The following ENAM variants were observed in gnomAD, a reference collection of about 807,000 sequenced individuals.
ENAM encodes the protein enamelin.
A neutral mutation model predicts 33.6 loss-of-function variants in ENAM; 21 were observed. The ratio of observed to expected loss-of-function variants is 0.63; its 90% CI spans 0.44 to 0.90. The LOEUF (loss-of-function observed/expected upper bound fraction) is 0.90, where lower values mean the gene tolerates loss of function less well. Among genes scored for constraint, ENAM ranks in the 40% least tolerant of loss-of-function variants. ENAM has a pLI of 0.00. For synonymous variants in ENAM, 473 were observed against 468.4 expected, an observed-to-expected ratio of 1.01 and a Z score of -0.13; for missense variants, 1,388 against 1,366.9, an observed-to-expected ratio of 1.02 and a Z score of -0.24.
chr4:70,642,926 T>C lies in ENAM; in HGVS notation c.1500T>C (p.Asp500=), dbSNP rs763039319. Residue 500 remains aspartate (D), a synonymous_variant, in exon 9 of 9, where the codon GAT becomes GAC. Transcript: ENST00000396073. ...QHENSYYPRG[D]SRKVPNSDGQ... ...AAAACTCCTATTACCCAAGAGGAGA[T>C]TCCAGAAAAGTCCCAAATTCTGATG... The C allele has an allele frequency of 6.2e-7, 1 of 1,614,074 alleles. No homozygotes were observed. The highest frequency in any genetic ancestry group is 8.5e-7 in the Non-Finnish European group (1 of 1,180,014).
intron 4 of ENAM, 125 bp from the exon 5 acceptor site, chr4:70,632,526 C>T: frequency 1.3e-6 from 1 of 785,300 alleles, no homozygotes; most frequent in Non-Finnish European, 2.3e-6. Context: ...GCATTAAAAT[C>T]AGAAATTTTT....
rs150264795 is a variant in ENAM at position 70,646,741 on chromosome 4, C to T, written c.*1886C>T. 1.8e-4 allele frequency: 28 copies of T among 152,306 alleles called. No homozygotes were observed. The highest frequency in any genetic ancestry group is 5.8e-4 in the African/African-American group (24 of 41,566). 9.4% of individuals were successfully genotyped at this position (152,306 alleles called of 1,614,324 possible). Reference sequence around the variant, plus strand: ...TGGCCAGTTTTATATTTTAATCACACATTGAAAAATTCATTAACTTATTCT... The same window carrying T: ...TGGCCAGTTTTATATTTTAATCACATATTGAAAAATTCATTAACTTATTCT... On this transcript the variant is annotated 3_prime_UTR_variant, in exon 9 of 9. Coordinates refer to ENST00000396073, the MANE Select transcript of ENAM (RefSeq NM_031889.3).
chr4:70,632,754 A>T, intron 5 of ENAM, 62 bp downstream of exon 5: 3 of 1,147,912 alleles, frequency 2.6e-6, no homozygotes, highest in Non-Finnish European at 4.0e-6. Flanking sequence ...TCCGTTATAA[A>T]GTTTGCCTTA....
intron 7 of ENAM, among the ~76,000 whole-genome samples, chr4:70,636,464 T>A (rs1472517861): frequency 6.6e-6 from 1 of 151,916 alleles, no homozygotes; most frequent in East Asian, 1.9e-4. Context: ...TGAAATCCCG[T>A]CTCTACTAAA....
chr4:70,630,973 C>T (rs1304639505), intron 2 of ENAM, among the ~76,000 whole-genome samples: 1 of 152,090 alleles, frequency 6.6e-6, no homozygotes, highest in Non-Finnish European at 1.5e-5. Flanking sequence ...AGCTCCTGTC[C>T]TCAGGGGATC....
At position 70,634,400 on chromosome 4, in the gene ENAM, A is replaced by C. The variant is rs762013731; in HGVS notation, c.303A>C (p.Thr101=). The C allele has an allele frequency of 3.7e-6, 6 of 1,614,080 alleles. No individual in the cohort carries two copies. In the Admixed American group the frequency reaches 1.0e-4, roughly 27 times the overall value. The change falls in exon 6 of 9, where the codon ACA becomes ACC. Residue 101 remains threonine, a synonymous_variant. Coordinates refer to ENST00000396073, the MANE Select transcript of ENAM (RefSeq NM_031889.3). ...MPMWPQPPPN[T]WHPRKSSAPK... ...TGTGGCCTCAGCCACCACCCAACAC[A>C]TGGCATCCACGGAAATCCTCAGCAC... is the stretch of plus-strand genomic sequence containing the variant.
In ENAM at chr4:70,644,204, A is replaced by T; in HGVS notation, c.2778A>T (p.Thr926=). Residue 926 remains threonine, a synonymous_variant, in exon 9 of 9, where the codon ACA becomes ACT. Coordinates refer to ENST00000396073, the MANE Select transcript of ENAM (RefSeq NM_031889.3). The part of the protein sequence containing the change: ...TKQTRDIISP[T]SILPGQRNSS... ...AGACAAGAGATATCATCTCCCCAAC[A>T]AGCATCCTACCAGGCCAAAGAAACA... is the stretch of plus-strand genomic sequence containing the variant. 2 of 1,614,092 alleles carry T rather than the reference A, an allele frequency of 1.2e-6. No homozygotes were observed. The highest frequency in any genetic ancestry group is 1.7e-6 in the Non-Finnish European group (2 of 1,179,998).
At position 70,646,170 on chromosome 4, in the gene ENAM, T is replaced by G. The variant is rs1738757115; in HGVS notation, c.*1315T>G. 1 of 152,152 alleles carries G rather than the reference T, an allele frequency of 6.6e-6. No individual in the cohort carries two copies. 9.4% of individuals were successfully genotyped at this position (152,152 alleles called of 1,614,324 possible). ...TTACAGACACTCTTTCTTGGTATCTTGAATAAATTGTGTAAATTATTTTGA... is the reference window on the plus strand; with the variant it reads ...TTACAGACACTCTTTCTTGGTATCTGGAATAAATTGTGTAAATTATTTTGA... On this transcript the variant is annotated 3_prime_UTR_variant, in exon 9 of 9. Coordinates refer to ENST00000396073, the MANE Select transcript of ENAM (RefSeq NM_031889.3).
intron 8 of ENAM, among the ~76,000 whole-genome samples, chr4:70,640,579 A>G (rs1194186456): frequency 6.6e-6 from 1 of 152,108 alleles, no homozygotes; most frequent in Non-Finnish European, 1.5e-5. Context: ...TTGTATTATT[A>G]TTATATAATA....
chr4:70,642,436 C>T lies in ENAM; in HGVS notation c.1010C>T (p.Thr337Ile). 6.2e-7 allele frequency: 1 copy of T among 1,614,104 alleles called. No individual in the cohort carries two copies. The highest frequency in any genetic ancestry group is 1.1e-5 in the South Asian group (1 of 91,074). ...CCTTCAGGAAGACAGTGGTATTTCA[C>T]TGGTACTGTCATGGGGCACAGACAG... ...NFPSGRQWYF[T>I]GTVMGHRQNR... The change falls in exon 9 of 9, where the codon ACT becomes ATT. Residue 337 changes from threonine (T) to isoleucine (I), a missense_variant. By Grantham distance (89) the Thr-to-Ile change is moderately conservative. Coordinates refer to ENST00000396073, the MANE Select transcript of ENAM (RefSeq NM_031889.3).
In ENAM at chr4:70,631,997, T is replaced by C. The variant is rs996603413; in HGVS notation, c.168+104T>C. The stretch of plus-strand genomic sequence containing the variant: ...ATTGTCTCATATATAATATTTCTTA[T>C]GAAAAAGGTAAAAAGAGGGAGATTT... On this transcript the variant is annotated intron_variant, in intron 4 of 8. Coordinates refer to ENST00000396073, the MANE Select transcript of ENAM (RefSeq NM_031889.3). 5.7e-6 allele frequency: 6 copies of C among 1,057,830 alleles called. No homozygotes were observed. The African/African-American group carries it at 6.3e-5, about 11-fold the overall frequency. The allele number at this position is 1,057,830 out of a possible 1,614,324, so 65.5% of individuals were successfully genotyped here. A position where few individuals can be genotyped will look rare whatever the true frequency, so the allele number is the denominator to read the frequency against.
chr4:70,634,388 A>G lies in ENAM; in HGVS notation c.291A>G (p.Pro97=), dbSNP rs959670000. 2 of 1,614,104 alleles carry G rather than the reference A, an allele frequency of 1.2e-6. No homozygotes were observed. Among genetic ancestry groups the G allele is most frequent in the African/African-American group, 2.7e-5 (2 of 75,022 alleles). Residue 97 remains proline (P), a synonymous_variant, in exon 6 of 9, where the codon CCA becomes CCG. Transcript: ENST00000396073. ...ACCAGATGCCCATGTGGCCTCAGCC[A>G]CCACCCAACACATGGCATCCACGGA... The part of the protein sequence containing the change: ...PQYQMPMWPQ[P]PPNTWHPRKS...
At chr4:70,629,835 T>C (rs139104031) in intron 2 of ENAM, among the ~76,000 whole-genome samples, 283 of 152,312 alleles carry the variant, frequency 1.9e-3, no homozygotes, top group African/African-American at 6.5e-3. Flanking sequence ...ATATTAATTT[T>C]ACAAAAGAGA....
chr4:70,629,393 G>A (rs1435409283), intron 1 of ENAM, 48 bp from the exon 2 acceptor site: 5 of 867,274 alleles, frequency 5.8e-6, no homozygotes, highest in Non-Finnish European at 1.0e-5. Flanking sequence ...CCTTAGAACT[G>A]AAGCTTTGCT....
Position 70,645,216 on chromosome 4 carries a change from G to T in ENAM, c.*361G>T. 1.2e-5 allele frequency: 4 copies of T among 326,630 alleles called. No homozygotes were observed. The highest frequency in any genetic ancestry group is 1.7e-5 in the Non-Finnish European group (3 of 179,896). The allele number at this position is 326,630 out of a possible 1,614,324, so 20.2% of individuals were successfully genotyped here. On this transcript the variant is annotated 3_prime_UTR_variant, in exon 9 of 9. Transcript: ENST00000396073. ...ATTGGTTTTTCAAGACTGAAAGGCA[G>T]ATTAACTTTCCATTCTACTTATGGA...
Position 70,644,059 on chromosome 4 carries a change from G to A in ENAM, c.2633G>A (p.Ser878Asn), listed in dbSNP as rs759731409. Residue 878 changes from serine to asparagine, a missense_variant, in exon 9 of 9, where the codon AGC (serine) becomes AAC (asparagine). Physicochemically the swap from Ser to Asn is conservative, Grantham distance 46. Coordinates refer to ENST00000396073, the MANE Select transcript of ENAM (RefSeq NM_031889.3). ...CAGAGAGGCTCTTGCTGTGCTGGTA[G>A]CTCCACAGGGCCCAAGGACAATCCA... ...LSQRGSCCAG[S>N]STGPKDNPLA... 2.5e-6 allele frequency: 4 copies of A among 1,614,008 alleles called. No individual in the cohort carries two copies. The East Asian group carries it at 8.9e-5, about 36-fold the overall frequency.
intron 7 of ENAM, 101 bp downstream of exon 7, chr4:70,635,995 A>T (rs1738443305): frequency 4.8e-6 from 3 of 630,628 alleles, no homozygotes; most frequent in Admixed American, 5.3e-5. Flanking sequence ...AATACCATAT[A>T]CCAATCAGTA....
At chr4:70,629,397 CTTTGCTA>C in intron 1 of ENAM, 37 bp from the exon 2 acceptor site, 2 of 877,974 alleles carry the variant, frequency 2.3e-6, no homozygotes, top group Non-Finnish European at 3.9e-6. Flanking sequence ...AGAACTGAAG[CTTTGCTA>C]TTCATTTCAT....
intron 8 of ENAM, among the ~76,000 whole-genome samples, chr4:70,639,938 C>G (rs1241334814): frequency 6.6e-6 from 1 of 152,182 alleles, no homozygotes; most frequent in Non-Finnish European, 1.5e-5. Flanking sequence ...ACCTGATTTC[C>G]TGCATGATCT....
Sources: gnomAD v4.1 joint callset for allele counts (sites outside exome capture counted in the v4.1 genomes callset) on GRCh38, gnomAD v4.1.1 for gene constraint, MANE v1.5 for transcripts, NCBI Gene and HGNC (gene_info 2026-07-23, HGNC 2026-07-21) for gene names.